Variants in ARMC9 observed in about 807,000 individuals in gnomAD.
The protein encoded by ARMC9 is armadillo repeat containing 9.
ARMC9 carries 94 observed loss-of-function variants against 107.0 expected under a neutral mutation model. The observed-to-expected ratio is 0.88, with a 90% CI of 0.74 to 1.04. The LOEUF (loss-of-function observed/expected upper bound fraction) is 1.04. ARMC9 is among the 50% of genes least tolerant of loss of function. ARMC9 has a pLI of 0.00. For synonymous variants in ARMC9, 380 were observed against 396.9 expected (o/e 0.96, Z 0.51); for missense variants, 942 against 1,030.1 (o/e 0.91, Z 1.17).
At chr2:231,296,323 A>G (rs1307670843) in intron 19 of ARMC9, 70 bp downstream of exon 19, 2 of 1,310,680 alleles carry the variant, frequency 1.5e-6, no homozygotes, top group East Asian at 2.3e-5. Context: ...TGCCTTGACA[A>G]GTTAGTCCAG....
intron 5 of ARMC9, among the ~76,000 whole-genome samples, chr2:231,217,570 A>C (rs1303023357): frequency 3.3e-5 from 5 of 149,656 alleles, no homozygotes; most frequent in African/African-American, 1.2e-4. Flanking sequence ...CTTGTCTCAA[A>C]AAAAAAAAAA....
intron 19 of ARMC9, among the ~76,000 whole-genome samples, chr2:231,307,752 C>T (rs924819899): frequency 3.9e-5 from 6 of 152,246 alleles, no homozygotes; most frequent in East Asian, 1.9e-4. Context: ...GGACAGTTGA[C>T]TGCCACCAGG....
chr2:231,328,563 C>T (rs2043489442), intron 19 of ARMC9, among the ~76,000 whole-genome samples: 2 of 151,966 alleles, frequency 1.3e-5, no homozygotes, highest in African/African-American at 2.4e-5. Context: ...TCAATTTCTC[C>T]AGCACTATTT....
intron 9 of ARMC9, among the ~76,000 whole-genome samples, chr2:231,249,591 C>T (rs556372276): frequency 1.3e-3 from 201 of 152,110 alleles, no homozygotes; most frequent in African/African-American, 4.4e-3. Flanking sequence ...TGGATGGGGG[C>T]AGAAATGCAG....
At chr2:231,246,923 G>A (rs757033154) in intron 9 of ARMC9, among the ~76,000 whole-genome samples, 60 of 151,590 alleles carry the variant, frequency 4.0e-4, no homozygotes, top group Non-Finnish European at 8.8e-5. Context: ...CTCCCAAGCA[G>A]CTGGGACTAC....
intron 1 of ARMC9, among the ~76,000 whole-genome samples, chr2:231,203,084 A>G (rs1225982504): frequency 6.6e-6 from 1 of 152,124 alleles, no homozygotes; most frequent in Non-Finnish European, 1.5e-5. Context: ...CTCGGTCGGA[A>G]GTCCCTCCCA....
intron 17 of ARMC9, among the ~76,000 whole-genome samples, chr2:231,287,220 T>G (rs982792259): frequency 6.6e-6 from 1 of 152,216 alleles, no homozygotes; most frequent in African/African-American, 2.4e-5. Context: ...TGCCAGAAAC[T>G]GCCTCCGCTC....
rs138596485 is a variant in ARMC9 at position 231,360,851 on chromosome 2, G to A, written c.2229G>A (p.Ala743=). 0.043 allele frequency: 65,599 copies of A among 1,535,140 alleles called. 1,576 individuals are homozygous for A. Among genetic ancestry groups the A allele is most frequent in the Non-Finnish European group, 0.049 (55,931 of 1,146,446 alleles). ...PTGTPRQPRE[A]PQDPGNGVTT... ...GGACCCCCCGCCAGCCAAGGGAGGC[G>A]CCCCAGGACCCAGGCAATGGAGTGA... Residue 743 remains alanine (A), a synonymous_variant, in exon 23 of 25, where the codon GCG becomes GCA. Coordinates refer to ENST00000611582, the MANE Select transcript of ARMC9 (RefSeq NM_001352754.2). The surrounding 1 kb of genome is among the most constrained non-coding windows in gnomAD (Gnocchi z 4.7).
intron 19 of ARMC9, among the ~76,000 whole-genome samples, chr2:231,321,375 A>C (rs1401013290): frequency 1.3e-5 from 2 of 152,080 alleles, no homozygotes; most frequent in Non-Finnish European, 2.9e-5. Flanking sequence ...TGGGGAAAGG[A>C]GGGGTGGGAG....
chr2:231,300,523 G>C (rs1449098928), intron 19 of ARMC9, among the ~76,000 whole-genome samples: 1 of 152,194 alleles, frequency 6.6e-6, no homozygotes, highest in Non-Finnish European at 1.5e-5. Context: ...CACTGTTCTA[G>C]GCGCCTTATG....
At chr2:231,324,970 T>C (rs992069721) in intron 19 of ARMC9, among the ~76,000 whole-genome samples, 1 of 151,994 alleles carries the variant, frequency 6.6e-6, no homozygotes, top group Admixed American at 6.6e-5. Context: ...ATGCCTGTAA[T>C]CCCAGCACTT....
At chr2:231,247,905 T>C (rs1185367875) in intron 9 of ARMC9, among the ~76,000 whole-genome samples, 3 of 152,228 alleles carry the variant, frequency 2.0e-5, no homozygotes, top group Non-Finnish European at 4.4e-5. Context: ...CACTCCAGCC[T>C]GGGCAACAGA....
intron 9 of ARMC9, among the ~76,000 whole-genome samples, chr2:231,249,193 C>T (rs1318768925): frequency 3.9e-5 from 6 of 152,142 alleles, no homozygotes; most frequent in African/African-American, 1.2e-4. Context: ...CTTAGAGCAG[C>T]GTTTTCCAAA....
At chr2:231,339,890 G>A (rs964164182) in intron 20 of ARMC9, among the ~76,000 whole-genome samples, 1 of 152,188 alleles carries the variant, frequency 6.6e-6, no homozygotes, top group East Asian at 1.9e-4. Context: ...CCAAAATCAC[G>A]ACATTGCACT....
At chr2:231,354,376 ATTTTTTT>A (rs67988812) in intron 21 of ARMC9, among the ~76,000 whole-genome samples, 1 of 66,648 alleles carries the variant, frequency 1.5e-5, no homozygotes. Flanking sequence ...AGCCATGTGA[ATTTTTTT>A]TTTTTTTTTT....
intron 24 of ARMC9, 51 bp downstream of exon 24, chr2:231,370,176 T>C: frequency 1.4e-6 from 2 of 1,461,594 alleles, no homozygotes; most frequent in Non-Finnish European, 9.1e-7. Context: ...CCCGCCAACC[T>C]GCAGGGAAGG....
At chr2:231,245,873 A>G (rs781258327) in intron 9 of ARMC9, among the ~76,000 whole-genome samples, 1 of 152,124 alleles carries the variant, frequency 6.6e-6, no homozygotes, top group Non-Finnish European at 1.5e-5. Flanking sequence ...CACTGGAGAA[A>G]AGGTATGCCA....
intron 19 of ARMC9, among the ~76,000 whole-genome samples, chr2:231,327,211 C>T (rs1414795438): frequency 3.3e-5 from 5 of 152,164 alleles, no homozygotes; most frequent in African/African-American, 7.2e-5. Flanking sequence ...GGTCGGCGTT[C>T]GAGTATACAG....
chr2:231,257,178 G>T (rs2037904469), intron 10 of ARMC9, among the ~76,000 whole-genome samples: 1 of 152,196 alleles, frequency 6.6e-6, no homozygotes, highest in African/African-American at 2.4e-5. Flanking sequence ...CTGTTGAATT[G>T]TTCATATGGT....
Sources: gnomAD v4.1 joint callset for allele counts (sites outside exome capture counted in the v4.1 genomes callset) on GRCh38, gnomAD v4.1.1 for gene constraint, Gnocchi (gnomAD v3.1) non-coding constraint, MANE v1.5 for transcripts, NCBI Gene and HGNC (gene_info 2026-07-23, HGNC 2026-07-21) for gene names.